OS9: variants seen among roughly 807,000 people sequenced by gnomAD.
The protein encoded by OS9 is protein OS-9.
A neutral mutation model predicts 84.7 loss-of-function variants in OS9; 58 were observed. The ratio of observed to expected loss-of-function variants is 0.68; its 90% CI spans 0.55 to 0.85. OS9 has a LOEUF of 0.85. Among genes scored for constraint, OS9 ranks in the 40% least tolerant of loss-of-function variants. The pLI is 0.00. For synonymous variants in OS9, 278 were observed against 320.8 expected (o/e 0.87, Z 1.43); for missense variants, 760 against 850.9 (o/e 0.89, Z 1.33).
In OS9 at chr12:57,694,177, C is replaced by G; in HGVS notation, c.16C>G (p.Leu6Val). 3 of 1,614,206 alleles carry G rather than the reference C, an allele frequency of 1.9e-6. No individual in the cohort carries two copies. Among genetic ancestry groups the G allele is most frequent in the East Asian group, 2.2e-5 (1 of 44,874 alleles). ...GGAACGAAAGATGGCGGCGGAAACG[C>G]TGCTGTCCAGTTTGTTAGGACTGCT... Reference protein sequence around the residue: MAAETLLSSLLGLLLL... With the variant: MAAETVLSSLLGLLLL... The change falls in exon 1 of 15, where the codon CTG (leucine) becomes GTG (valine). Residue 6 changes from leucine (L) to valine (V), a missense_variant. Coordinates refer to ENST00000315970, the MANE Select transcript of OS9 (RefSeq NM_006812.4).
At chr12:57,697,862 A>AACACACACACACAC (rs71084786) in intron 5 of OS9, among the ~76,000 whole-genome samples, 7,100 of 116,312 alleles carry the variant, frequency 0.061, 414 homozygotes, top group Non-Finnish European at 0.076. Context: ...AACATAAGCA[A>AACACACACACACAC]ACACACACAC....
chr12:57,702,261 C>T (rs1954048432), intron 5 of OS9, among the ~76,000 whole-genome samples: 1 of 152,178 alleles, frequency 6.6e-6, no homozygotes, highest in African/African-American at 2.4e-5. Flanking sequence ...TCTCCCTCTC[C>T]CAGACTCTGT....
chr12:57,699,152 G>A lies in OS9; in HGVS notation c.579+2779G>A, dbSNP rs555890887. Among the ~76,000 whole-genome samples, 5 of 152,304 alleles carry A rather than the reference G, an allele frequency of 3.3e-5. No homozygotes were observed. In the East Asian group the frequency reaches 5.8e-4, roughly 18 times the overall value. The stretch of plus-strand genomic sequence containing the variant: ...AGGGTGATTCGTGTTCCTGAGATAG[G>A]TATAATGAGAAGAGGAGTAGGTATG... On this transcript the variant is annotated intron_variant, in intron 5 of 14. Coordinates refer to ENST00000315970, the MANE Select transcript of OS9 (RefSeq NM_006812.4).
At chr12:57,696,163 T>A in intron 4 of OS9, 112 bp from the exon 5 acceptor site, 1 of 1,212,148 alleles carries the variant, frequency 8.2e-7, no homozygotes, top group South Asian at 1.2e-5. Flanking sequence ...GGACAAAGTT[T>A]CCTGGGGCCT....
chr12:57,714,283 C>T (rs1954417566), intron 5 of OS9, among the ~76,000 whole-genome samples: 1 of 151,986 alleles, frequency 6.6e-6, no homozygotes, highest in Admixed American at 6.6e-5. Context: ...CTCGGCTCAC[C>T]GCAACCTTGG....
chr12:57,720,617 T>G, intron 14 of OS9, 99 bp downstream of exon 14: 1 of 1,272,592 alleles, frequency 7.9e-7, no homozygotes, highest in Non-Finnish European at 1.1e-6. Context: ...CATTTCCTGA[T>G]CTGTAAGACA....
intron 5 of OS9, among the ~76,000 whole-genome samples, chr12:57,701,346 G>A (rs1286526320): frequency 1.4e-5 from 2 of 140,390 alleles, no homozygotes; most frequent in Non-Finnish European, 3.0e-5. Context: ...TGCAATCTAG[G>A]CTCACTGCAA....
At chr12:57,708,488 T>A (rs1954238316) in intron 5 of OS9, among the ~76,000 whole-genome samples, 1 of 151,774 alleles carries the variant, frequency 6.6e-6, no homozygotes. Flanking sequence ...TTTAGCCAGG[T>A]GTGGTAGTGT....
In OS9 at chr12:57,694,214, T is replaced by A. The variant is rs1176292681; in HGVS notation, c.53T>A (p.Leu18His). The A allele has an allele frequency of 6.2e-7, 1 of 1,613,994 alleles. No individual in the cohort carries two copies. Among genetic ancestry groups the A allele is most frequent in the Non-Finnish European group, 8.5e-7 (1 of 1,180,008 alleles). The change falls in exon 1 of 15, where the codon CTC becomes CAC. Residue 18 changes from leucine to histidine, a missense_variant. Coordinates refer to ENST00000315970, the MANE Select transcript of OS9 (RefSeq NM_006812.4). ...TTGTTAGGACTGCTGCTTCTGGGAC[T>A]CCTGTTACCCGCAAGTCTGACCGGC... The part of the protein sequence containing the change: ...SSLLGLLLLG[L>H]LLPASLTGGV...
intron 5 of OS9, among the ~76,000 whole-genome samples, chr12:57,709,084 G>A (rs1293337509): frequency 6.6e-6 from 1 of 152,072 alleles, no homozygotes; most frequent in Non-Finnish European, 1.5e-5. Context: ...TCATTTAAGG[G>A]TTTTCTCTAC....
chr12:57,716,094 T>A lies in OS9; in HGVS notation c.793T>A (p.Ser265Thr). 7 of 1,613,012 alleles carry A rather than the reference T, an allele frequency of 4.3e-6. No individual in the cohort carries two copies. Among genetic ancestry groups the A allele is most frequent in the Non-Finnish European group, 5.9e-6 (7 of 1,179,126 alleles). Residue 265 changes from serine (S) to threonine (T), a missense_variant and splice_region_variant, in exon 7 of 15, where the codon TCA becomes ACA. Physicochemically the swap from Ser to Thr is moderately conservative, Grantham distance 58. Transcript: ENST00000315970. ...YMAYVQRQAD[S>T]KQYGDKIIEE... ...GCTTGCATGCTGTTTCTCAGTAGACTCAAAGCAGTATGGAGATAAAATCAT... is the reference window on the plus strand; with the variant it reads ...GCTTGCATGCTGTTTCTCAGTAGACACAAAGCAGTATGGAGATAAAATCAT...
intron 2 of OS9, chr12:57,695,570 A>G (rs1345720301): frequency 4.3e-6 from 3 of 703,190 alleles, no homozygotes; most frequent in Middle Eastern, 4.6e-4. Context: ...ACAAGTGGAA[A>G]ACAGACTTTA....
intron 8 of OS9, 86 bp from the exon 9 acceptor site, chr12:57,716,607 A>C: frequency 6.6e-7 from 1 of 1,516,046 alleles, no homozygotes; most frequent in Non-Finnish European, 9.2e-7. Context: ...CTAGGGATGC[A>C]AGGATATCCC....
Position 57,709,352 on chromosome 12 carries a change from T to C in OS9, c.580-6408T>C, listed in dbSNP as rs192557822. ...TGGTTGCATCCCTCAAATTTTAGTATGTGGTGTTTCCATTTTCATTATGGT... is the reference window on the plus strand; with the variant it reads ...TGGTTGCATCCCTCAAATTTTAGTACGTGGTGTTTCCATTTTCATTATGGT... On this transcript the variant is annotated intron_variant, in intron 5 of 14. Coordinates refer to ENST00000315970, the MANE Select transcript of OS9 (RefSeq NM_006812.4). Among the ~76,000 whole-genome samples, 388 of 152,344 alleles carry C rather than the reference T, an allele frequency of 2.5e-3. 1 individual carries two copies. The highest frequency in any genetic ancestry group is 9.0e-3 in the African/African-American group (373 of 41,582).
In OS9 at chr12:57,694,876, G is replaced by A; in HGVS notation, c.289G>A (p.Gly97Arg). ...EEETPAYQGPGIPELLSPMRD... is the reference protein window; with the variant it reads ...EEETPAYQGPRIPELLSPMRD... The stretch of plus-strand genomic sequence containing the variant: ...GGAAACACCTGCTTACCAAGGGCCT[G>A]GGATCCCTGAGTTGTTGAGCCCAAT... Residue 97 changes from glycine (G) to arginine (R), a missense_variant, in exon 2 of 15, where the codon GGG (glycine) becomes AGG (arginine). By Grantham distance (125) the Gly-to-Arg change is moderately radical. Transcript: ENST00000315970. The A allele has an allele frequency of 6.2e-7, 1 of 1,614,152 alleles. No individual in the cohort carries two copies. Among genetic ancestry groups the A allele is most frequent in the Non-Finnish European group, 8.5e-7 (1 of 1,180,016 alleles).
rs142102318 is a variant in OS9 at position 57,709,127 on chromosome 12, A to C, written c.580-6633A>C. Among the ~76,000 whole-genome samples, 212 of 152,178 alleles carry C rather than the reference A, an allele frequency of 1.4e-3. 1 individual carries two copies. Among genetic ancestry groups the C allele is most frequent in the Non-Finnish European group, 2.2e-3 (149 of 68,014 alleles). ...TTTACTCTTTTCTTTCAGCTGTCCA[A>C]ATTCTTTGCTCGTTTTCCTAATGGC... On this transcript the variant is annotated intron_variant, in intron 5 of 14. Transcript: ENST00000315970.
intron 7 of OS9, 94 bp downstream of exon 7, chr12:57,716,287 G>GGGGGGGGA: frequency 1.3e-6 from 1 of 745,066 alleles, no homozygotes; most frequent in Non-Finnish European, 2.3e-6. Flanking sequence ...GGTGGGGGGG[G>GGGGGGGGA]GTGGAAAAGT....
chr12:57,694,158 A>G lies in OS9; in HGVS notation c.-4A>G, dbSNP rs1374627934. The G allele has an allele frequency of 6.2e-7, 1 of 1,614,168 alleles. No homozygotes were observed. The highest frequency in any genetic ancestry group is 8.5e-7 in the Non-Finnish European group (1 of 1,179,974). ...GATTCTCTGCATAAGAAGGGGAACG[A>G]AAGATGGCGGCGGAAACGCTGCTGT... On this transcript the variant is annotated 5_prime_UTR_variant, in exon 1 of 15. Coordinates refer to ENST00000315970, the MANE Select transcript of OS9 (RefSeq NM_006812.4).
intron 1 of OS9, 142 bp from the exon 2 acceptor site, chr12:57,694,608 C>T: frequency 1.2e-6 from 1 of 860,788 alleles, no homozygotes; most frequent in Admixed American, 2.1e-5. Context: ...CTCCTCTCAC[C>T]CACTAAATAC....
Sources: allele counts gnomAD v4.1 joint callset (sites outside exome capture counted in the v4.1 genomes callset), GRCh38; gene constraint gnomAD v4.1.1; transcripts MANE v1.5; gene names NCBI Gene and HGNC (gene_info 2026-07-23, HGNC 2026-07-21).